The following TIMP2 variants were observed in gnomAD, a reference collection of about 807,000 sequenced individuals.
The protein encoded by TIMP2 is TIMP metallopeptidase inhibitor 2, also known as metalloproteinase inhibitor 2.
In TIMP2, 5 loss-of-function variants were observed where a neutral mutation model predicts 24.3. That is an observed-to-expected ratio of 0.21 (90% CI 0.11 to 0.43). TIMP2 has a LOEUF of 0.43. TIMP2 is among the 20% of genes least tolerant of loss of function. The pLI is 1.00. For synonymous variants in TIMP2, 130 were observed against 123.2 expected (o/e 1.06, Z -0.37); for missense variants, 221 against 297.5 (o/e 0.74, Z 1.89).
intron 1 of TIMP2, among the ~76,000 whole-genome samples, chr17:78,886,327 G>C (rs560819311): frequency 6.6e-6 from 1 of 152,182 alleles, no homozygotes; most frequent in Non-Finnish European, 1.5e-5. Flanking sequence ...AGGCAGGCTG[G>C]TTCCCCCATC....
At chr17:78,893,080 C>T (rs569834360) in intron 1 of TIMP2, among the ~76,000 whole-genome samples, 15 of 150,714 alleles carry the variant, frequency 1.0e-4, no homozygotes, top group Non-Finnish European at 1.9e-4. Flanking sequence ...AGTGTGTGCA[C>T]GCGTGTGCAG....
At chr17:78,873,478 A>G (rs1397237738) in intron 2 of TIMP2, among the ~76,000 whole-genome samples, 1 of 151,932 alleles carries the variant, frequency 6.6e-6, no homozygotes, top group African/African-American at 2.4e-5. Flanking sequence ...TTTTTTGTAG[A>G]GATGGATTTT....
intron 1 of TIMP2, among the ~76,000 whole-genome samples, chr17:78,874,451 GGGAGTTATC>G (rs1184964503): frequency 6.6e-6 from 1 of 152,172 alleles, no homozygotes; most frequent in African/African-American, 2.4e-5. Flanking sequence ...AGGGCAGAGG[GGGAGTTATC>G]CACCTTAAAG....
chr17:78,855,982 G>A lies in TIMP2; in HGVS notation c.466-118C>T. 9.4e-7 allele frequency: 1 copy of A among 1,063,120 alleles called. No individual in the cohort carries two copies. The highest frequency in any genetic ancestry group is 1.4e-6 in the Non-Finnish European group (1 of 714,376). 65.9% of individuals were successfully genotyped at this position (1,063,120 alleles called of 1,614,324 possible). ...TGCCTACCTGTCATGTGCAGGGATGGCAGCCTCTCCCGAGACCCACGGTTC... is the reference window on the plus strand; with the variant it reads ...TGCCTACCTGTCATGTGCAGGGATGACAGCCTCTCCCGAGACCCACGGTTC... On this transcript the variant is annotated intron_variant, in intron 4 of 4. Coordinates refer to ENST00000262768, the MANE Select transcript of TIMP2 (RefSeq NM_003255.5). The surrounding 1 kb of genome is among the most constrained non-coding windows in gnomAD (Gnocchi z 6.0).
chr17:78,894,670 T>C (rs2069969505), intron 1 of TIMP2, among the ~76,000 whole-genome samples: 2 of 152,320 alleles, frequency 1.3e-5, no homozygotes, highest in African/African-American at 2.4e-5. Flanking sequence ...CAATGGATCA[T>C]AGACCTTCAT....
rs546761728 is a variant in TIMP2 at position 78,871,124 on chromosome 17, A to C, written c.232-118T>G. On this transcript the variant is annotated intron_variant, in intron 2 of 4. Coordinates refer to ENST00000262768, the MANE Select transcript of TIMP2 (RefSeq NM_003255.5). Reference sequence around the variant, plus strand: ...TGTAGCTGGGGTACAGCCAGCACCCAAGAGGACCAGGAAGTGCAAATACAT... The same window carrying C: ...TGTAGCTGGGGTACAGCCAGCACCCCAGAGGACCAGGAAGTGCAAATACAT... 3 of 740,986 alleles carry C rather than the reference A, an allele frequency of 4.0e-6. No homozygotes were observed. The East Asian group carries it at 8.1e-5, about 20-fold the overall frequency. The allele number at this position is 740,986 out of a possible 1,614,324, so 45.9% of individuals were successfully genotyped here. A position where few individuals can be genotyped will look rare whatever the true frequency, so the allele number is the denominator to read the frequency against.
chr17:78,902,100 G>A (rs4789935), intron 1 of TIMP2, among the ~76,000 whole-genome samples: 73,166 of 151,718 alleles, frequency 0.48, 18,383 homozygotes, highest in African/African-American at 0.63. Context: ...GTGGCGGGGG[G>A]ACGGGGGTCC....
intron 1 of TIMP2, among the ~76,000 whole-genome samples, chr17:78,917,598 G>A (rs975567137): frequency 2.6e-5 from 4 of 152,230 alleles, no homozygotes; most frequent in African/African-American, 7.2e-5. Context: ...GAGGTCTGGA[G>A]TTCCCTCAGG....
chr17:78,878,284 G>T (rs759829721), intron 1 of TIMP2, among the ~76,000 whole-genome samples: 1 of 152,182 alleles, frequency 6.6e-6, no homozygotes, highest in Non-Finnish European at 1.5e-5. Flanking sequence ...GAAGCTCCTT[G>T]ACTTCACTGA....
In TIMP2 at chr17:78,855,530, A is replaced by T; in HGVS notation, c.*137T>A. 9.7e-7 allele frequency: 1 copy of T among 1,026,620 alleles called. No individual in the cohort carries two copies. Among genetic ancestry groups the T allele is most frequent in the East Asian group, 2.6e-5 (1 of 38,282 alleles). 63.6% of individuals were successfully genotyped at this position (1,026,620 alleles called of 1,614,324 possible). ...ACCATGTCTAAAAGGAGAAGGGGGG[A>T]GCAGAATCATATTAATTTGGACCCA... On this transcript the variant is annotated 3_prime_UTR_variant, in exon 5 of 5. Coordinates refer to ENST00000262768, the MANE Select transcript of TIMP2 (RefSeq NM_003255.5). The surrounding 1 kb of genome is among the most constrained non-coding windows in gnomAD (Gnocchi z 6.0).
intron 3 of TIMP2, among the ~76,000 whole-genome samples, chr17:78,858,943 G>C (rs529210512): frequency 5.0e-4 from 76 of 152,278 alleles, no homozygotes; most frequent in African/African-American, 1.7e-3. Context: ...ACTTCCCAAA[G>C]TGCTGGGATT....
In TIMP2 at chr17:78,897,987, A is replaced by C. The variant is rs375674542; in HGVS notation, c.131-24068T>G. 2.6e-4 allele frequency: 39 copies of C among 152,282 alleles called. 1 individual carries two copies. Among genetic ancestry groups the C allele is most frequent in the African/African-American group, 9.1e-4 (38 of 41,552 alleles). 9.4% of individuals were successfully genotyped at this position (152,282 alleles called of 1,614,324 possible). On this transcript the variant is annotated intron_variant, in intron 1 of 4. Coordinates refer to ENST00000262768, the MANE Select transcript of TIMP2 (RefSeq NM_003255.5). ...CATCATTCAGGAATTGATTTCCCCC[A>C]TGACACCATCGGATGCAACCTTGTC...
intron 1 of TIMP2, among the ~76,000 whole-genome samples, chr17:78,901,571 G>A (rs933713175): frequency 7.9e-5 from 12 of 152,126 alleles, no homozygotes; most frequent in African/African-American, 2.9e-4. Context: ...GTGAGGTGGG[G>A]CAAGGGTGTT....
chr17:78,915,996 C>G (rs909803929), intron 1 of TIMP2, among the ~76,000 whole-genome samples: 2 of 152,204 alleles, frequency 1.3e-5, no homozygotes, highest in Admixed American at 1.3e-4. Context: ...GGCACCTCTG[C>G]CAGCTGTTAT....
chr17:78,890,467 A>G lies in TIMP2; in HGVS notation c.131-16548T>C. On this transcript the variant is annotated intron_variant, in intron 1 of 4. Coordinates refer to ENST00000262768, the MANE Select transcript of TIMP2 (RefSeq NM_003255.5). ...TCCTGAGGCCGACCTCGGCCTCCCAAAGTGCTGGGATTACAGGCGTGCGCC... is the reference window on the plus strand; with the variant it reads ...TCCTGAGGCCGACCTCGGCCTCCCAGAGTGCTGGGATTACAGGCGTGCGCC... The G allele has an allele frequency of 4.1e-6, 3 of 733,984 alleles. No homozygotes were observed. The East Asian group carries it at 8.8e-5, about 22-fold the overall frequency. 45.5% of individuals were successfully genotyped at this position (733,984 alleles called of 1,614,324 possible).
intron 1 of TIMP2, among the ~76,000 whole-genome samples, chr17:78,922,720 G>A (rs1168718145): frequency 6.6e-6 from 1 of 152,212 alleles, no homozygotes; most frequent in Non-Finnish European, 1.5e-5. Flanking sequence ...TTGGGAGGCT[G>A]AGGCAGGAGA....
At chr17:78,885,116 G>C (rs900428550) in intron 1 of TIMP2, among the ~76,000 whole-genome samples, 1 of 152,230 alleles carries the variant, frequency 6.6e-6, no homozygotes, top group South Asian at 2.1e-4. Context: ...CAAGCCTCAC[G>C]GACCAACAGG....
At chr17:78,872,046 C>G (rs1354164037) in intron 2 of TIMP2, among the ~76,000 whole-genome samples, 2 of 151,610 alleles carry the variant, frequency 1.3e-5, no homozygotes, top group South Asian at 2.1e-4. Context: ...GGGTCTCACT[C>G]TGTTGCTCAG....
chr17:78,885,529 CA>C (rs2069818055), intron 1 of TIMP2, among the ~76,000 whole-genome samples: 1 of 152,182 alleles, frequency 6.6e-6, no homozygotes, highest in Non-Finnish European at 1.5e-5. Flanking sequence ...GGTGTGAGTC[CA>C]GGGGGCACCC....
Sources: allele counts gnomAD v4.1 joint callset (sites outside exome capture counted in the v4.1 genomes callset), GRCh38; gene constraint gnomAD v4.1.1; non-coding constraint Gnocchi (gnomAD v3.1); transcripts MANE v1.5; gene names NCBI Gene and HGNC (gene_info 2026-07-23, HGNC 2026-07-21).